The following DHRSX variants were observed in gnomAD, a reference collection of about 807,000 sequenced individuals.
The protein encoded by DHRSX is polyprenol dehydrogenase.
A neutral mutation model predicts 34.0 loss-of-function variants in DHRSX; 31 were observed. The ratio of observed to expected loss-of-function variants is 0.91; its 90% CI spans 0.69 to 1.23. DHRSX has a LOEUF of 1.23. Ranked by LOEUF, DHRSX falls within the 50% of genes most tolerant of loss-of-function variation. DHRSX has a pLI of 0.00. For missense variants in DHRSX, 414 were observed against 428.1 expected (o/e 0.97, Z 0.29); for synonymous variants, 201 against 183.8 (o/e 1.09, Z -0.76).
intron 3 of DHRSX, among the ~76,000 whole-genome samples, chrX:2,373,119 G>A (rs911095819): frequency 5.1e-4 from 78 of 152,146 alleles, no homozygotes; most frequent in Admixed American, 7.2e-4. Context: ...CAGGCAAAAT[G>A]GCTCCTGTAG....
chrX:2,398,670 CTTTT>C (rs34876710), intron 3 of DHRSX, among the ~76,000 whole-genome samples: 1 of 130,002 alleles, frequency 7.7e-6, no homozygotes. Context: ...ATGCATATTC[CTTTT>C]TTTTTTTTTT....
intron 1 of DHRSX, among the ~76,000 whole-genome samples, chrX:2,448,558 C>T (rs1400408422): frequency 6.7e-6 from 1 of 149,406 alleles, no homozygotes; most frequent in South Asian, 2.1e-4. Context: ...TGTTAATTAG[C>T]TTGATTGTTA....
Position 2,291,529 on chromosome X carries a change from T to A in DHRSX, c.361A>T (p.Ile121Phe), listed in dbSNP as rs948499550. Residue 121 changes from isoleucine (I) to phenylalanine (F), a missense_variant, in exon 4 of 7, where the codon ATT (isoleucine) becomes TTT (phenylalanine). Coordinates refer to ENST00000334651, the MANE Select transcript of DHRSX (RefSeq NM_145177.3). ...TTGTTGATCAGGACATGGAGAGGAATCTTCTTCATCTTGAACTTCTGCACA... is the reference window on the plus strand; with the variant it reads ...TTGTTGATCAGGACATGGAGAGGAAACTTCTTCATCTTGAACTTCTGCACA... ...QFVQKFKMKK[I>F]PLHVLINNAG... 3.1e-6 allele frequency: 5 copies of A among 1,613,812 alleles called. No homozygotes were observed. The highest frequency in any genetic ancestry group is 2.7e-5 in the African/African-American group (2 of 74,914).
At chrX:2,289,170 T>C (rs2041838867) in intron 4 of DHRSX, among the ~76,000 whole-genome samples, 2 of 151,136 alleles carry the variant, frequency 1.3e-5, no homozygotes, top group Non-Finnish European at 2.9e-5. Context: ...CAGGCTGGAG[T>C]GCAATGGTGT....
intron 6 of DHRSX, among the ~76,000 whole-genome samples, chrX:2,238,691 C>T: frequency 6.6e-6 from 1 of 151,610 alleles, no homozygotes; most frequent in Middle Eastern, 3.4e-3. Context: ...TCAAGCGATT[C>T]CCCTGCCTCA....
intron 6 of DHRSX, among the ~76,000 whole-genome samples, chrX:2,224,476 T>A (rs986726645): frequency 3.3e-5 from 5 of 152,190 alleles, no homozygotes; most frequent in African/African-American, 1.2e-4. Flanking sequence ...CCACCTGTGC[T>A]ATGTTGAAAA....
intron 3 of DHRSX, among the ~76,000 whole-genome samples, chrX:2,312,162 C>T (rs1464949076): frequency 6.6e-6 from 1 of 152,100 alleles, no homozygotes; most frequent in Admixed American, 6.6e-5. Context: ...AACCAGGAAA[C>T]TCTCTCCACC....
At chrX:2,259,377 T>TATATAG (rs1569480949) in intron 5 of DHRSX, among the ~76,000 whole-genome samples, 66 of 69,784 alleles carry the variant, frequency 9.5e-4, no homozygotes, top group African/African-American at 5.1e-3. Context: ...TATATATAGA[T>TATATAG]ATATATATAG....
intron 3 of DHRSX, among the ~76,000 whole-genome samples, chrX:2,325,844 AT>A (rs1033745582): frequency 6.0e-4 from 28 of 46,468 alleles, no homozygotes; most frequent in Admixed American, 3.9e-3. Flanking sequence ...AGAGAAAACC[AT>A]TTCTCTTTCT....
intron 3 of DHRSX, among the ~76,000 whole-genome samples, chrX:2,394,447 C>A (rs1252205188): frequency 5.3e-5 from 8 of 152,118 alleles, no homozygotes; most frequent in Non-Finnish European, 1.2e-4. Flanking sequence ...GTGAGGATAG[C>A]CGGTTAGAGC....
chrX:2,230,734 C>G (rs2015857812), intron 6 of DHRSX, among the ~76,000 whole-genome samples: 1 of 152,170 alleles, frequency 6.6e-6, no homozygotes. Context: ...GCAATCCTGC[C>G]TGAGTGTCCA....
rs151138253 is a variant in DHRSX at position 2,260,697 on chromosome X, G to T, written c.596+6043C>A. Among the ~76,000 whole-genome samples, 418 of 152,084 alleles carry T rather than the reference G, an allele frequency of 2.7e-3. 2 individuals are homozygous for T. Among genetic ancestry groups the T allele is most frequent in the African/African-American group, 9.5e-3 (395 of 41,504 alleles). On this transcript the variant is annotated intron_variant, in intron 5 of 6. Transcript: ENST00000334651. ...GCTGGTCTTGAACTCCTGACCTCAGGTGATCTGCTCACCTTGGCCTCCCAA... is the reference window on the plus strand; with the variant it reads ...GCTGGTCTTGAACTCCTGACCTCAGTTGATCTGCTCACCTTGGCCTCCCAA...
intron 3 of DHRSX, among the ~76,000 whole-genome samples, chrX:2,300,987 G>A (rs2042001943): frequency 6.6e-6 from 1 of 152,078 alleles, no homozygotes; most frequent in Non-Finnish European, 1.5e-5. Context: ...ATGTGGACAG[G>A]GTAACAATTC....
At chrX:2,235,150 C>T (rs1463683819) in intron 6 of DHRSX, among the ~76,000 whole-genome samples, 5 of 152,148 alleles carry the variant, frequency 3.3e-5, no homozygotes, top group African/African-American at 1.2e-4. Flanking sequence ...AAAAGCAGGC[C>T]GTTCTCCTAA....
At chrX:2,475,560 GC>G (rs1468228482) in intron 1 of DHRSX, among the ~76,000 whole-genome samples, 3 of 151,666 alleles carry the variant, frequency 2.0e-5, no homozygotes, top group African/African-American at 7.3e-5. Flanking sequence ...AGGGACCGCC[GC>G]CAGGTACACA....
At chrX:2,344,902 TATATATATATATAC>T (rs1368621339) in intron 3 of DHRSX, among the ~76,000 whole-genome samples, 1 of 123,112 alleles carries the variant, frequency 8.1e-6, no homozygotes. Context: ...TATATATATA[TATATATATATATAC>T]TGTATTTATT....
At chrX:2,350,491 AC>A (rs1225964322) in intron 3 of DHRSX, among the ~76,000 whole-genome samples, 1 of 152,234 alleles carries the variant, frequency 6.6e-6, no homozygotes, top group Non-Finnish European at 1.5e-5. Flanking sequence ...AGAGACAAAT[AC>A]CGCATGATGT....
chrX:2,456,529 G>T (rs906469881), intron 1 of DHRSX, among the ~76,000 whole-genome samples: 15 of 150,390 alleles, frequency 1.0e-4, no homozygotes, highest in Admixed American at 3.4e-4. Flanking sequence ...CAGGAGAATG[G>T]CTTGAACACA....
chrX:2,328,256 T>G (rs1408153025), intron 3 of DHRSX, among the ~76,000 whole-genome samples: 1 of 151,194 alleles, frequency 6.6e-6, no homozygotes, highest in East Asian at 2.0e-4. Context: ...AAACGTCTGT[T>G]GTTTACAAGC....
Sources: gnomAD v4.1 joint callset for allele counts (sites outside exome capture counted in the v4.1 genomes callset) on GRCh38, gnomAD v4.1.1 for gene constraint, MANE v1.5 for transcripts, NCBI Gene and HGNC (gene_info 2026-07-23, HGNC 2026-07-21) for gene names.